EIF2AK4: variants seen among roughly 807,000 people sequenced by gnomAD.
EIF2AK4 encodes eukaryotic translation initiation factor 2 alpha kinase 4, also known as eIF-2-alpha kinase GCN2.
In EIF2AK4, 139 loss-of-function variants were observed where a neutral mutation model predicts 211.1. The observed-to-expected ratio is 0.66, with a 90% CI of 0.57 to 0.76. The LOEUF (loss-of-function observed/expected upper bound fraction) is 0.76. Among genes scored for constraint, EIF2AK4 ranks in the 30% least tolerant of loss-of-function variants. The pLI is 0.00. For synonymous variants in EIF2AK4, 710 were observed against 751.3 expected, an observed-to-expected ratio of 0.94 and a Z score of 0.90; for missense variants, 1,664 against 2,043.8, an observed-to-expected ratio of 0.81 and a Z score of 3.58.
At chr15:39,982,950 G>A (rs2034813550) in intron 13 of EIF2AK4, among the ~76,000 whole-genome samples, 1 of 152,176 alleles carries the variant, frequency 6.6e-6, no homozygotes, top group Non-Finnish European at 1.5e-5. Flanking sequence ...TATCATTGAT[G>A]GACATTTGGG....
At chr15:39,963,574 G>C (rs1489561201) in intron 7 of EIF2AK4, among the ~76,000 whole-genome samples, 1 of 152,018 alleles carries the variant, frequency 6.6e-6, no homozygotes, top group Non-Finnish European at 1.5e-5. Flanking sequence ...TTTCAATGAA[G>C]TATTTTTATA....
intron 23 of EIF2AK4, among the ~76,000 whole-genome samples, chr15:40,006,365 C>T (rs1402848942): frequency 1.3e-5 from 2 of 152,084 alleles, no homozygotes; most frequent in Admixed American, 6.6e-5. Context: ...TTAAAGCTGG[C>T]TTCTTATTCT....
At chr15:40,028,147 A>C (rs573910559) in intron 33 of EIF2AK4, among the ~76,000 whole-genome samples, 129 of 151,114 alleles carry the variant, frequency 8.5e-4, no homozygotes, top group South Asian at 5.0e-3. Context: ...TACATGACTC[A>C]CTATAGCCTT....
At chr15:39,998,275 G>T (rs8042456) in intron 19 of EIF2AK4, among the ~76,000 whole-genome samples, 90,559 of 135,776 alleles carry the variant, frequency 0.67, 30,740 homozygotes, top group African/African-American at 0.78. Context: ...TTTTTGTTTT[G>T]TTTTTTTTTG....
chr15:39,983,303 C>T (rs1036775863), intron 13 of EIF2AK4, among the ~76,000 whole-genome samples: 6 of 152,134 alleles, frequency 3.9e-5, no homozygotes, highest in African/African-American at 7.2e-5. Context: ...AGACCAGTGA[C>T]GATGAGCTTT....
At position 40,017,501 on chromosome 15, in the gene EIF2AK4, C is replaced by CTTTTTATA. The variant is rs1363648720; in HGVS notation, c.4065+260_4065+261insTTTTATAT. 2.7e-4 allele frequency among the ~76,000 whole-genome samples: 7 copies of CTTTTTATA among 26,122 alleles called. 1 individual carries two copies. The highest frequency in any genetic ancestry group is 1.1e-3 in the African/African-American group (7 of 6,354). 17.1% of individuals were successfully genotyped at this position (26,122 alleles called of 152,430 possible). A position where few individuals can be genotyped will look rare whatever the true frequency, so the allele number is the denominator to read the frequency against. On this transcript the variant is annotated intron_variant, in intron 29 of 38. Transcript: ENST00000263791. Reference sequence around the variant, plus strand: ...GGCTCATGTACCCTTTACTCTGTTTCTATATATATATATATATATATATAT... The same window carrying CTTTTTATA: ...GGCTCATGTACCCTTTACTCTGTTTCTTTTTATATATATATATATATATATATATATAT...
intron 1 of EIF2AK4, 123 bp from the exon 2 acceptor site, chr15:39,939,382 A>G: frequency 3.6e-6 from 2 of 552,290 alleles, no homozygotes; most frequent in South Asian, 8.4e-5. Flanking sequence ...CAGATTATCT[A>G]TTTAAAATAT....
intron 9 of EIF2AK4, 66 bp from the exon 10 acceptor site, chr15:39,972,842 C>G (rs925636507): frequency 1.1e-5 from 14 of 1,273,110 alleles, no homozygotes; most frequent in Admixed American, 1.8e-5. Flanking sequence ...ATAGTTAATG[C>G]CTTGGATTAA....
chr15:39,994,959 A>G (rs2140930395), intron 18 of EIF2AK4, among the ~76,000 whole-genome samples: 1 of 152,236 alleles, frequency 6.6e-6, no homozygotes, highest in South Asian at 2.1e-4. Flanking sequence ...CTCCTGCCTC[A>G]GACTCCCGAG....
chr15:39,939,504 G>T lies in EIF2AK4; in HGVS notation c.145-1G>T. 6.3e-7 allele frequency: 1 copy of T among 1,588,370 alleles called. No individual in the cohort carries two copies. The highest frequency in any genetic ancestry group is 8.6e-7 in the Non-Finnish European group (1 of 1,166,710). On this transcript the variant is annotated splice_acceptor_variant, in intron 1 of 38. Transcript: ENST00000263791. LOFTEE classifies it high-confidence loss of function. ...AATTTTTTTTGTTTTTCCTCTTTTA[G>T]GTCAAAGAGCCCCCTGAAATCAATT...
intron 29 of EIF2AK4, among the ~76,000 whole-genome samples, chr15:40,017,544 T>C (rs1431970754): frequency 2.9e-5 from 2 of 69,616 alleles, no homozygotes; most frequent in African/African-American, 5.0e-5. Context: ...TATATATATA[T>C]ATATATATAT....
At chr15:39,998,924 A>G in intron 20 of EIF2AK4, 140 bp downstream of exon 20, 1 of 686,164 alleles carries the variant, frequency 1.5e-6, no homozygotes, top group South Asian at 2.2e-5. Flanking sequence ...TGAAAAGATG[A>G]AGCACTTAAA....
intron 27 of EIF2AK4, among the ~76,000 whole-genome samples, chr15:40,015,612 A>G (rs112163027): frequency 0.02 from 2,971 of 152,322 alleles, 84 homozygotes; most frequent in African/African-American, 0.069. Context: ...GTAGGGACAC[A>G]GCCAAACCAT....
Position 39,937,487 on chromosome 15 carries a change from T to G in EIF2AK4, c.145-2018T>G, listed in dbSNP as rs968634485. Among the ~76,000 whole-genome samples the G allele has an allele frequency of 3.9e-5, 6 of 152,190 alleles. No individual in the cohort carries two copies. The East Asian group carries it at 9.6e-4, about 24-fold the overall frequency. ...AAATATCTTAAGAAAACTAGCATTT[T>G]GGGTCATATAATGCATATATTTTTC... is the stretch of plus-strand genomic sequence containing the variant. On this transcript the variant is annotated intron_variant, in intron 1 of 38. Transcript: ENST00000263791.
intron 6 of EIF2AK4, 126 bp from the exon 7 acceptor site, chr15:39,961,658 C>T: frequency 7.3e-6 from 5 of 686,604 alleles, no homozygotes; most frequent in South Asian, 1.9e-5. Flanking sequence ...GGCTAATAAA[C>T]AGTAATAAAC....
At chr15:40,032,949 C>T in intron 37 of EIF2AK4, 148 bp downstream of exon 37, 1 of 599,904 alleles carries the variant, frequency 1.7e-6, no homozygotes, top group Non-Finnish European at 2.8e-6. Context: ...TTTTATGTAA[C>T]ATATATGTTC....
chr15:40,009,122 C>T (rs909687353), intron 25 of EIF2AK4, among the ~76,000 whole-genome samples: 9 of 145,744 alleles, frequency 6.2e-5, no homozygotes, highest in African/African-American at 1.8e-4. Context: ...GACAGTGTCT[C>T]GCTCTGTCTC....
intron 4 of EIF2AK4, among the ~76,000 whole-genome samples, chr15:39,952,447 A>G (rs1466909278): frequency 6.6e-6 from 1 of 151,814 alleles, no homozygotes; most frequent in Non-Finnish European, 1.5e-5. Flanking sequence ...GCCTAATTTT[A>G]AAATTTTTTT....
At position 39,978,169 on chromosome 15, in the gene EIF2AK4, A is replaced by G. The variant is rs766582947; in HGVS notation, c.2319+22A>G. 11 of 1,352,042 alleles carry G rather than the reference A, an allele frequency of 8.1e-6. No individual in the cohort carries two copies. The South Asian group carries it at 1.4e-4, about 17-fold the overall frequency. 83.8% of individuals were successfully genotyped at this position (1,352,042 alleles called of 1,614,324 possible). ...TCAGGTATATATATGAATAGAAATTATATCATTTTATTCGTGATATAATTG... is the reference window on the plus strand; with the variant it reads ...TCAGGTATATATATGAATAGAAATTGTATCATTTTATTCGTGATATAATTG... On this transcript the variant is annotated intron_variant, in intron 13 of 38. Coordinates refer to ENST00000263791, the MANE Select transcript of EIF2AK4 (RefSeq NM_001013703.4).
Sources: allele counts gnomAD v4.1 joint callset (sites outside exome capture counted in the v4.1 genomes callset), GRCh38; gene constraint gnomAD v4.1.1; transcripts MANE v1.5; gene names NCBI Gene and HGNC (gene_info 2026-07-23, HGNC 2026-07-21).